IVD: variants seen among roughly 807,000 people sequenced by gnomAD.
IVD encodes the protein isovaleryl-CoA dehydrogenase, mitochondrial.
Under a neutral mutation model 51.3 loss-of-function variants are expected in IVD, and 31 were observed. The ratio of observed to expected loss-of-function variants is 0.60; its 90% CI spans 0.45 to 0.81. IVD has a LOEUF of 0.81. IVD is among the 40% of genes least tolerant of loss of function. The probability of loss-of-function intolerance (pLI) is 0.00; values close to 1 mark genes in which losing one functional copy is unlikely to be tolerated. For synonymous variants in IVD, 205 were observed against 219.4 expected (o/e 0.93, Z 0.58); for missense variants, 475 against 552.0 (o/e 0.86, Z 1.40).
chr15:40,418,354 C>T lies in IVD; in HGVS notation c.*91C>T. The T allele has an allele frequency of 6.2e-7, 1 of 1,600,824 alleles. No homozygotes were observed. On this transcript the variant is annotated 3_prime_UTR_variant, in exon 12 of 12. Transcript: ENST00000487418. ...GCTTTCCCACCCTGCCCACAGCAGG[C>T]CCTCCTGCCCAGCTGCTCTTGTCAG...
chr15:40,432,380 C>G (rs79736721), intron 7 of IVD, among the ~76,000 whole-genome samples: 1 of 152,292 alleles, frequency 6.6e-6, no homozygotes, highest in African/African-American at 2.4e-5. Flanking sequence ...TTTCCTAGGT[C>G]AGAAGCAATG....
chr15:40,406,700 C>CTT (rs538613471), intron 1 of IVD, among the ~76,000 whole-genome samples: 55 of 152,260 alleles, frequency 3.6e-4, no homozygotes, highest in African/African-American at 1.3e-3. Context: ...TGAGGTTTCA[C>CTT]TTGGAGGCTG....
chr15:40,434,398 A>AGG (rs1038629690), intron 8 of IVD, among the ~76,000 whole-genome samples: 1 of 152,214 alleles, frequency 6.6e-6, no homozygotes, highest in African/African-American at 2.4e-5. Context: ...GGAGAGGTAG[A>AGG]GGGCTGTATG....
chr15:40,406,123 C>G, intron 1 of IVD, 152 bp downstream of exon 1: 1 of 1,538,388 alleles, frequency 6.5e-7, no homozygotes, highest in Non-Finnish European at 8.8e-7. Context: ...GGGCGGGACG[C>G]GGGGCCTCCG....
Position 40,407,741 on chromosome 15 carries a change from C to G in IVD, c.234+16C>G. ...GAACCTGCGAGTGAGTTGGGAGGTC[C>G]GGGCAGTCGGGGGCAGTCAGGGAGT... On this transcript the variant is annotated intron_variant, in intron 2 of 11. Coordinates refer to ENST00000487418, the MANE Select transcript of IVD (RefSeq NM_002225.5). The G allele has an allele frequency of 1.2e-6, 2 of 1,607,614 alleles. No homozygotes were observed. The highest frequency in any genetic ancestry group is 3.3e-5 in the Admixed American group (2 of 60,016).
At chr15:40,433,369 T>G (rs1017459425) in intron 7 of IVD, among the ~76,000 whole-genome samples, 4 of 152,200 alleles carry the variant, frequency 2.6e-5, no homozygotes, top group African/African-American at 9.6e-5. Context: ...ATGCCTTCTG[T>G]AAGAGACACC....
In IVD at chr15:40,408,395, A is replaced by T. The variant is rs114794219; in HGVS notation, c.286+405A>T. ...CTACCAGTGGCCTCTCGGCAGGAAC[A>T]CTCTGGGCAGGTGTGTCCCTGCAGG... On this transcript the variant is annotated intron_variant, in intron 3 of 11. Coordinates refer to ENST00000487418, the MANE Select transcript of IVD (RefSeq NM_002225.5). 9.1e-3 allele frequency among the ~76,000 whole-genome samples: 1,389 copies of T among 152,120 alleles called. 14 individuals are homozygous for T. The highest frequency in any genetic ancestry group is 0.032 in the African/African-American group (1,330 of 41,516).
At chr15:40,428,224 T>C (rs1225718182), downstream of IVD, among the ~76,000 whole-genome samples, 1 of 151,274 alleles carries the variant, frequency 6.6e-6, no homozygotes, top group East Asian at 1.9e-4. Flanking sequence ...GGGTTTTATA[T>C]GACTGCTGCT....
chr15:40,407,862 G>A lies in IVD; in HGVS notation c.235-77G>A, dbSNP rs182620996. ...CAGCCCCTCTCTCTGAAGTGTTTGGGTCTCATTGTTCCAGCCACATGTGAC... is the reference window on the plus strand; with the variant it reads ...CAGCCCCTCTCTCTGAAGTGTTTGGATCTCATTGTTCCAGCCACATGTGAC... On this transcript the variant is annotated intron_variant, in intron 2 of 11. Coordinates refer to ENST00000487418, the MANE Select transcript of IVD (RefSeq NM_002225.5). 6.4e-4 allele frequency: 966 copies of A among 1,512,536 alleles called. 2 individuals carry two copies. Among genetic ancestry groups the A allele is most frequent in the Non-Finnish European group, 8.4e-4 (915 of 1,088,540 alleles). The allele number at this position is 1,512,536 out of a possible 1,614,324, so 93.7% of individuals were successfully genotyped here.
At position 40,419,296 on chromosome 15, in the gene IVD, C is replaced by T; in HGVS notation, c.*1033C>T. The T allele has an allele frequency of 8.7e-7, 1 of 1,144,832 alleles. No homozygotes were observed. The highest frequency in any genetic ancestry group is 6.0e-5 in the East Asian group (1 of 16,642). The allele number at this position is 1,144,832 out of a possible 1,614,324, so 70.9% of individuals were successfully genotyped here. A position where few individuals can be genotyped will look rare whatever the true frequency, so the allele number is the denominator to read the frequency against. On this transcript the variant is annotated 3_prime_UTR_variant, in exon 12 of 12. Transcript: ENST00000487418. The stretch of plus-strand genomic sequence containing the variant: ...GAGGCCAAGGCAGGTGGATCACTTG[C>T]AGTCAGGAGTTCAAGACCAGCCTGT...
intron 3 of IVD, among the ~76,000 whole-genome samples, chr15:40,409,207 G>A (rs1890785995): frequency 6.6e-6 from 1 of 152,140 alleles, no homozygotes; most frequent in African/African-American, 2.4e-5. Flanking sequence ...TTCTGAATCA[G>A]ATTGTATTTT....
At chr15:40,433,041 A>T (rs189046589) in intron 7 of IVD, among the ~76,000 whole-genome samples, 29 of 152,356 alleles carry the variant, frequency 1.9e-4, no homozygotes, top group African/African-American at 6.5e-4. Context: ...GTACTATTCT[A>T]AGTACTTTAT....
At position 40,419,349 on chromosome 15, in the gene IVD, A is replaced by G. The variant is rs1476439518; in HGVS notation, c.*1086A>G. The G allele has an allele frequency of 4.0e-5, 24 of 600,552 alleles. No individual in the cohort carries two copies. The highest frequency in any genetic ancestry group is 5.9e-5 in the Non-Finnish European group (23 of 387,598). The allele number at this position is 600,552 out of a possible 1,614,324, so 37.2% of individuals were successfully genotyped here. On this transcript the variant is annotated 3_prime_UTR_variant, in exon 12 of 12. Transcript: ENST00000487418. ...AACGTGGTGAAACCCCATCTCTACT[A>G]AAAATACAAAAATTAGCCAGGGGTG...
At position 40,415,416 on chromosome 15, in the gene IVD, C is replaced by T. The variant is rs1566940284; in HGVS notation, c.894C>T (p.Val298=). ...AGGPLGLMQA[V]LDHTIPYLHV... ...TTTCTGACAGGCTCATGCAAGCGGTCCTGGACCACACCATTCCCTACCTGC... is the reference window on the plus strand; with the variant it reads ...TTTCTGACAGGCTCATGCAAGCGGTTCTGGACCACACCATTCCCTACCTGC... The change falls in exon 9 of 12, where the codon GTC becomes GTT. Residue 298 remains valine (V), a synonymous_variant. Transcript: ENST00000487418. 1.9e-6 allele frequency: 3 copies of T among 1,614,160 alleles called. No homozygotes were observed. Among genetic ancestry groups the T allele is most frequent in the Non-Finnish European group, 2.5e-6 (3 of 1,180,024 alleles).
chr15:40,420,526 A>G lies in IVD; in HGVS notation c.*2263A>G, dbSNP rs1033937484. The G allele has an allele frequency of 1.3e-5, 13 of 987,548 alleles. No individual in the cohort carries two copies. The highest frequency in any genetic ancestry group is 1.6e-5 in the Non-Finnish European group (13 of 830,100). 61.2% of individuals were successfully genotyped at this position (987,548 alleles called of 1,614,324 possible). On this transcript the variant is annotated 3_prime_UTR_variant, in exon 12 of 12. Coordinates refer to ENST00000487418, the MANE Select transcript of IVD (RefSeq NM_002225.5). Reference sequence around the variant, plus strand: ...TGTGTCCTTGGAGAGTGGCTGGCCCAGGTCCTATTCCTGTCCTCCAGCCCG... The same window carrying G: ...TGTGTCCTTGGAGAGTGGCTGGCCCGGGTCCTATTCCTGTCCTCCAGCCCG...
At chr15:40,413,306 G>A in intron 7 of IVD, 2 of 591,724 alleles carry the variant, frequency 3.4e-6, no homozygotes, top group Non-Finnish European at 3.1e-6. Flanking sequence ...CTCCGCATAG[G>A]GTCTGTACTC....
intron 7 of IVD, among the ~76,000 whole-genome samples, chr15:40,413,682 TG>T (rs869234319): frequency 0.012 from 306 of 25,470 alleles, no homozygotes; most frequent in Middle Eastern, 0.026. Flanking sequence ...TTGTTTTTTT[TG>T]TTTGTTTGTT....
rs750665791 is a variant in IVD, at chr15:40,416,130, A to C, written c.1013A>C (p.Gln338Pro). The change falls in exon 10 of 12, where the codon CAG becomes CCG. Residue 338 changes from glutamine to proline, a missense_variant. Physicochemically the swap from Gln to Pro is moderately conservative, Grantham distance 76 (BLOSUM62 -1). Coordinates refer to ENST00000487418, the MANE Select transcript of IVD (RefSeq NM_002225.5). ...TACACCCGCCTCATGGCGTGTCGGC[A>C]GTATGTCTACAATGTCGCCAAGGCC... ...DMYTRLMACRQYVYNVAKACD... is the reference protein window; with the variant it reads ...DMYTRLMACRPYVYNVAKACD... 6.2e-7 allele frequency: 1 copy of C among 1,614,254 alleles called. No homozygotes were observed. The highest frequency in any genetic ancestry group is 1.7e-5 in the Admixed American group (1 of 60,030).
chr15:40,407,890 G>A (rs1300777856), intron 2 of IVD, 49 bp from the exon 3 acceptor site: 1 of 1,596,182 alleles, frequency 6.3e-7, no homozygotes, highest in Non-Finnish European at 8.6e-7. Context: ...CATGTGACTG[G>A]CTGCCTTCCC....
Sources: allele counts gnomAD v4.1 joint callset (sites outside exome capture counted in the v4.1 genomes callset), GRCh38; gene constraint gnomAD v4.1.1; transcripts MANE v1.5; gene names NCBI Gene and HGNC (gene_info 2026-07-23, HGNC 2026-07-21).